JAG1: variants seen among roughly 807,000 people sequenced by gnomAD.
JAG1 encodes the protein protein jagged-1.
JAG1 carries 23 observed loss-of-function variants against 148.7 expected under a neutral mutation model. The observed-to-expected ratio is 0.15, with a 90% confidence interval of 0.11 to 0.22. JAG1 has a LOEUF of 0.22. JAG1 is among the 10% of genes least tolerant of loss of function. The probability of loss-of-function intolerance (pLI) is 1.00; values close to 1 mark genes in which losing one functional copy is unlikely to be tolerated. For synonymous variants in JAG1, 572 were observed against 598.3 expected (o/e 0.96, Z 0.64); for missense variants, 1,054 against 1,611.2 (o/e 0.65, Z 5.92).
rs940851410 is a variant in JAG1, at chr20:10,669,653, A to G, written c.387+3048T>C. Among the ~76,000 whole-genome samples, 4 of 149,374 alleles carry G rather than the reference A, an allele frequency of 2.7e-5. No homozygotes were observed. In the Admixed American group the frequency reaches 2.7e-4, roughly 10 times the overall value. ...TAAATATGAGGCTAATAAGCCAGATACCCCAATTTCTTCCCCTAACGTTTC... is the reference window on the plus strand; with the variant it reads ...TAAATATGAGGCTAATAAGCCAGATGCCCCAATTTCTTCCCCTAACGTTTC... On this transcript the variant is annotated intron_variant, in intron 2 of 25. Transcript: ENST00000254958.
chr20:10,673,988 G>T lies in JAG1; in HGVS notation c.-458C>A, dbSNP rs146416672. On this transcript the variant is annotated 5_prime_UTR_variant, in exon 1 of 26. Transcript: ENST00000254958. This position sits in a 1 kb window ranked among gnomAD's most constrained non-coding sequence, Gnocchi z 4.7. ...CGCCCGGCTCTCGGAGAAGGACCCG[G>T]AGAGCCCGTCTGGCAGCAGCGGCCG... The T allele has an allele frequency of 6.6e-6, 1 of 152,198 alleles. No individual in the cohort carries two copies. Among genetic ancestry groups the T allele is most frequent in the African/African-American group, 2.4e-5 (1 of 41,430 alleles). 9.4% of individuals were successfully genotyped at this position (152,198 alleles called of 1,614,324 possible).
At chr20:10,646,287 C>CT (rs2067307806) in intron 14 of JAG1, 1 of 590,690 alleles carries the variant, frequency 1.7e-6, no homozygotes, top group African/African-American at 1.8e-5. Context: ...ACTTAATGCC[C>CT]TCACATGGGC....
Position 10,640,912 on chromosome 20 carries a change from C to T in JAG1, c.3070G>A (p.Asp1024Asn). The T allele has an allele frequency of 6.2e-7, 1 of 1,614,192 alleles. No individual in the cohort carries two copies. The highest frequency in any genetic ancestry group is 1.6e-4 in the Middle Eastern group (1 of 6,062). Reference sequence around the variant, plus strand: ...GTGATTTCCTTGATCGGGTTCCCATCATCCCGTATATCTTCAGCAGACTGG... The same window carrying T: ...GTGATTTCCTTGATCGGGTTCCCATTATCCCGTATATCTTCAGCAGACTGG... ...VAISAEDIRD[D>N]GNPIKEITDK... The change falls in exon 25 of 26, where the codon GAT becomes AAT. Residue 1024 changes from aspartate to asparagine, a missense_variant. Physicochemically the swap from Asp to Asn is conservative, Grantham distance 23. Around this residue, in one of 6 missense-constraint regions of JAG1, gnomAD observed 342 missense variants for 514.6 expected, o/e 0.66. Coordinates refer to ENST00000254958, the MANE Select transcript of JAG1 (RefSeq NM_000214.3).
In JAG1 at chr20:10,672,949, C is replaced by T. The variant is rs2122644822; in HGVS notation, c.139G>A (p.Gly47Arg). 1 of 1,612,962 alleles carries T rather than the reference C, an allele frequency of 6.2e-7. No individual in the cohort carries two copies. The highest frequency in any genetic ancestry group is 8.5e-7 in the Non-Finnish European group (1 of 1,180,014). The change falls in exon 2 of 26, where the codon GGG becomes AGG. Residue 47 changes from glycine to arginine, a missense_variant. This residue lies in a region of JAG1 where 151 missense variants were observed against 211.1 expected (regional missense o/e 0.72). Transcript: ENST00000254958. ...CAGCAGTTCCCGTTCTGCAGCTCCCCGTTCACGTTCTGCATGGACAGGATC... is the reference window on the plus strand; with the variant it reads ...CAGCAGTTCCCGTTCTGCAGCTCCCTGTTCACGTTCTGCATGGACAGGATC... ...LEILSMQNVN[G>R]ELQNGNCCGG...
At chr20:10,660,290 T>C (rs558086437) in intron 3 of JAG1, among the ~76,000 whole-genome samples, 15 of 146,816 alleles carry the variant, frequency 1.0e-4, no homozygotes, top group African/African-American at 3.0e-4. Context: ...ACCTGCAGCC[T>C]GACACCCCGG....
chr20:10,652,439 A>C, intron 6 of JAG1, 29 bp downstream of exon 6: 6 of 1,612,954 alleles, frequency 3.7e-6, no homozygotes, highest in Non-Finnish European at 5.1e-6. Context: ...CCCAGATCCC[A>C]CCCTGGGTCT....
rs1412764490 is a variant in JAG1, at chr20:10,645,306, G to C, written c.2113+50C>G. On this transcript the variant is annotated intron_variant, in intron 16 of 25. Coordinates refer to ENST00000254958, the MANE Select transcript of JAG1 (RefSeq NM_000214.3). This position sits in a 1 kb window ranked among gnomAD's most constrained non-coding sequence, Gnocchi z 6.1. The stretch of plus-strand genomic sequence containing the variant: ...GTCCCAGTGGCCCCCTCCCACAGAA[G>C]ACAGAGGGAAGGGTCCCAGAGATAG... The C allele has an allele frequency of 1.2e-6, 2 of 1,600,444 alleles. No homozygotes were observed. Among genetic ancestry groups the C allele is most frequent in the Non-Finnish European group, 1.7e-6 (2 of 1,167,486 alleles).
rs1436835720 is a variant in JAG1 at position 10,639,105 on chromosome 20, A to G, written c.*393T>C. 4.1e-6 allele frequency: 1 copy of G among 243,294 alleles called. No homozygotes were observed. 15.1% of individuals were successfully genotyped at this position (243,294 alleles called of 1,614,324 possible). On this transcript the variant is annotated 3_prime_UTR_variant, in exon 26 of 26. Transcript: ENST00000254958. ...TACAGAACTACTTGTACGTCATCAT[A>G]AAACCAATATACAAAAACAACTCAA...
Position 10,645,539 on chromosome 20 carries a change from C to G in JAG1, c.2000-70G>C. On this transcript the variant is annotated intron_variant, in intron 15 of 25. Coordinates refer to ENST00000254958, the MANE Select transcript of JAG1 (RefSeq NM_000214.3). The surrounding 1 kb of genome is among the most constrained non-coding windows in gnomAD (Gnocchi z 6.1). ...CCATTCACGACAGGCGAGAGCCAAG[C>G]CTTTCCTACTGCTTACATCCAACAT... 1 of 1,182,924 alleles carries G rather than the reference C, an allele frequency of 8.5e-7. No homozygotes were observed. Among genetic ancestry groups the G allele is most frequent in the South Asian group, 1.2e-5 (1 of 82,478 alleles). 73.3% of individuals were successfully genotyped at this position (1,182,924 alleles called of 1,614,324 possible).
At chr20:10,661,253 A>G (rs1166270585) in intron 3 of JAG1, among the ~76,000 whole-genome samples, 1 of 152,004 alleles carries the variant, frequency 6.6e-6, no homozygotes, top group Non-Finnish European at 1.5e-5. Flanking sequence ...GAGCTGATAG[A>G]AGGAATTCTC....
Position 10,638,528 on chromosome 20 carries a change from A to G in JAG1, c.*970T>C, listed in dbSNP as rs886056510. On this transcript the variant is annotated 3_prime_UTR_variant, in exon 26 of 26. Transcript: ENST00000254958. ...TTCAAGTCTAAAGCAGAAAAACAAA[A>G]AACAAACAAACAAAAAAACCTGTTC... The G allele has an allele frequency of 3.9e-5, 6 of 152,094 alleles. No homozygotes were observed. Among genetic ancestry groups the G allele is most frequent in the Non-Finnish European group, 7.4e-5 (5 of 68,012 alleles). The allele number at this position is 152,094 out of a possible 1,614,324, so 9.4% of individuals were successfully genotyped here.
chr20:10,642,230 T>A (rs1183079432), intron 21 of JAG1, among the ~76,000 whole-genome samples: 1 of 152,156 alleles, frequency 6.6e-6, no homozygotes, highest in African/African-American at 2.4e-5. Context: ...CCATGCTGCA[T>A]ATCATGAGCA....
Position 10,656,462 on chromosome 20 carries a change from T to C in JAG1, c.695-4A>G. ...CTGCAGCCTTGTCGGCAAATAGCTG[T>C]AAAAAACAGAGAAGGGCGTGTCAGC... On this transcript the variant is annotated splice_region_variant and splice_polypyrimidine_tract_variant and intron_variant, in intron 4 of 25. Transcript: ENST00000254958. 2 of 1,613,590 alleles carry C rather than the reference T, an allele frequency of 1.2e-6. No individual in the cohort carries two copies. The highest frequency in any genetic ancestry group is 1.7e-6 in the Non-Finnish European group (2 of 1,179,640).
Position 10,637,927 on chromosome 20 carries a change from G to A in JAG1, c.*1571C>T, listed in dbSNP as rs529989723. 2.6e-5 allele frequency: 4 copies of A among 152,724 alleles called. No homozygotes were observed. The highest frequency in any genetic ancestry group is 1.9e-4 in the East Asian group (1 of 5,186). The allele number at this position is 152,724 out of a possible 1,614,324, so 9.5% of individuals were successfully genotyped here. A position where few individuals can be genotyped will look rare whatever the true frequency, so the allele number is the denominator to read the frequency against. On this transcript the variant is annotated 3_prime_UTR_variant, in exon 26 of 26. Coordinates refer to ENST00000254958, the MANE Select transcript of JAG1 (RefSeq NM_000214.3). ...ACTCAGCAGGGTGGCAGAAGCACATGGCAAAGCCGGTAGAACTACGTAAGC... is the reference window on the plus strand; with the variant it reads ...ACTCAGCAGGGTGGCAGAAGCACATAGCAAAGCCGGTAGAACTACGTAAGC...
intron 2 of JAG1, 67 bp downstream of exon 2, chr20:10,672,634 G>T: frequency 6.7e-7 from 1 of 1,498,586 alleles, no homozygotes; most frequent in Non-Finnish European, 9.2e-7. Context: ...TCTCGCAAGG[G>T]ATAACAGGGC....
intron 2 of JAG1, among the ~76,000 whole-genome samples, chr20:10,671,319 C>G (rs2067493210): frequency 6.6e-6 from 1 of 152,192 alleles, no homozygotes; most frequent in African/African-American, 2.4e-5. Context: ...AGAAACAGCC[C>G]TTGGACCTCA....
chr20:10,658,326 G>A lies in JAG1; in HGVS notation c.694+142C>T, dbSNP rs1239499475. 10 of 1,038,838 alleles carry A rather than the reference G, an allele frequency of 9.6e-6. No homozygotes were observed. In the Admixed American group the frequency reaches 1.2e-4, roughly 13 times the overall value. 64.4% of individuals were successfully genotyped at this position (1,038,838 alleles called of 1,614,324 possible). Reference sequence around the variant, plus strand: ...GCACCAACAGCATCTTCTACACTCCGCATCTTCATACTGCAGGCCCAGAAT... The same window carrying A: ...GCACCAACAGCATCTTCTACACTCCACATCTTCATACTGCAGGCCCAGAAT... On this transcript the variant is annotated intron_variant, in intron 4 of 25. Transcript: ENST00000254958.
chr20:10,663,891 AG>A (rs1555830126), intron 3 of JAG1, 71 bp downstream of exon 3: 5 of 1,170,754 alleles, frequency 4.3e-6, no homozygotes, highest in Non-Finnish European at 5.2e-6. Context: ...AGACAGATCC[AG>A]CTCCAACTGG....
intron 2 of JAG1, among the ~76,000 whole-genome samples, chr20:10,669,744 C>T (rs1457335224): frequency 6.6e-6 from 1 of 151,978 alleles, no homozygotes; most frequent in African/African-American, 2.4e-5. Flanking sequence ...CTGAAGTTCC[C>T]AAAAAGCTTT....
Sources: allele counts gnomAD v4.1 joint callset (sites outside exome capture counted in the v4.1 genomes callset), GRCh38; gene constraint gnomAD v4.1.1; regional missense constraint gnomAD v4.1.1; non-coding constraint Gnocchi (gnomAD v3.1); transcripts MANE v1.5; gene names NCBI Gene and HGNC (gene_info 2026-07-23, HGNC 2026-07-21).